The following VMP1 variants were observed in gnomAD, a reference collection of about 807,000 sequenced individuals.
VMP1 encodes ectopic P-granules autophagy protein 3 homolog.
A neutral mutation model predicts 56.0 loss-of-function variants in VMP1; 11 were observed. The observed-to-expected ratio is 0.20, with a 90% CI of 0.12 to 0.32. The LOEUF (loss-of-function observed/expected upper bound fraction) is 0.32. Among genes scored for constraint, VMP1 ranks in the 10% least tolerant of loss-of-function variants. The pLI is 1.00. For synonymous variants in VMP1, 149 were observed against 165.0 expected, an observed-to-expected ratio of 0.90 and a Z score of 0.74; for missense variants, 296 against 490.3, an observed-to-expected ratio of 0.60 and a Z score of 3.74.
chr17:59,741,296 T>C (rs1172431087), intron 5 of VMP1, among the ~76,000 whole-genome samples: 3 of 151,968 alleles, frequency 2.0e-5, no homozygotes, highest in Admixed American at 6.6e-5. Flanking sequence ...GGGAGATAGA[T>C]TGAAGGTGGA....
Position 59,737,522 on chromosome 17 carries a change from T to C in VMP1, c.282T>C (p.Tyr94=). The change falls in exon 4 of 12, where the codon TAT becomes TAC. Residue 94 remains tyrosine (Y), a synonymous_variant. Transcript: ENST00000262291. ...LLLAVLIATY[Y]VEGVHQQYVQ... ...TTGCTGTGCTTATAGCTACGTATTA[T>C]GTTGAAGGAGTGCATCAACAGGTGA... 1.9e-6 allele frequency: 3 copies of C among 1,611,116 alleles called. No homozygotes were observed. The highest frequency in any genetic ancestry group is 2.2e-5 in the East Asian group (1 of 44,736).
At chr17:59,751,837 A>G (rs1429163630) in intron 5 of VMP1, among the ~76,000 whole-genome samples, 3 of 150,256 alleles carry the variant, frequency 2.0e-5, no homozygotes, top group Non-Finnish European at 4.4e-5. Context: ...CTTTTTTGAG[A>G]CAGGGTTTCT....
intron 6 of VMP1, among the ~76,000 whole-genome samples, chr17:59,773,265 T>G (rs562514904): frequency 6.6e-6 from 1 of 151,744 alleles, no homozygotes; most frequent in African/African-American, 2.4e-5. Flanking sequence ...CAGCCACTGG[T>G]GAATTCTTAT....
intron 1 of VMP1, among the ~76,000 whole-genome samples, chr17:59,712,520 T>C (rs2033972602): frequency 6.6e-6 from 1 of 152,214 alleles, no homozygotes; most frequent in South Asian, 2.1e-4. Context: ...ATCTGTTCAT[T>C]ATCCAGTCAG....
At chr17:59,730,109 G>A (rs2034768832) in intron 1 of VMP1, 3 of 152,066 alleles carry the variant, frequency 2.0e-5, no homozygotes, top group Admixed American at 6.6e-5. Flanking sequence ...AGCAATTTGT[G>A]TATCTTTGGA....
chr17:59,738,415 A>C (rs745499411), intron 4 of VMP1, among the ~76,000 whole-genome samples: 2 of 152,252 alleles, frequency 1.3e-5, no homozygotes, highest in Non-Finnish European at 1.5e-5. Context: ...ATTTTAAAAC[A>C]GTTTACTGCC....
intron 7 of VMP1, among the ~76,000 whole-genome samples, chr17:59,807,813 C>T (rs1598423356): frequency 1.0e-5 from 1 of 96,510 alleles, no homozygotes. Flanking sequence ...GCCTGGGCAA[C>T]AAGAGTGAAA....
chr17:59,795,703 C>A (rs913010770), intron 7 of VMP1, among the ~76,000 whole-genome samples: 1 of 151,828 alleles, frequency 6.6e-6, no homozygotes, highest in Non-Finnish European at 1.5e-5. Context: ...AAACAAAAAT[C>A]TCTTATTTTC....
At chr17:59,762,782 T>C (rs2036104342) in intron 5 of VMP1, among the ~76,000 whole-genome samples, 1 of 152,170 alleles carries the variant, frequency 6.6e-6, no homozygotes, top group Admixed American at 6.5e-5. Context: ...TGAAAAAACA[T>C]TCTCAAATCA....
intron 7 of VMP1, among the ~76,000 whole-genome samples, chr17:59,776,578 G>A (rs796913178): frequency 6.6e-6 from 1 of 152,164 alleles, no homozygotes; most frequent in African/African-American, 2.4e-5. Context: ...GAAAACAGTA[G>A]ATTTAGTTGT....
intron 1 of VMP1, among the ~76,000 whole-genome samples, chr17:59,717,409 C>T (rs1188903356): frequency 6.6e-6 from 1 of 151,846 alleles, no homozygotes; most frequent in East Asian, 1.9e-4. Flanking sequence ...TGGAGACACA[C>T]TCTTGCTCTG....
intron 7 of VMP1, among the ~76,000 whole-genome samples, chr17:59,807,832 C>CAAA (rs543862899): frequency 4.7e-5 from 4 of 85,626 alleles, no homozygotes; most frequent in Non-Finnish European, 7.4e-5. Flanking sequence ...AACTCCGTCT[C>CAAA]AAAAAAAAAA....
rs2036524542 is a variant in VMP1, at chr17:59,773,840, G to A, written c.669G>A (p.Glu223=). The A allele has an allele frequency of 1.2e-6, 2 of 1,613,562 alleles. No individual in the cohort carries two copies. Among genetic ancestry groups the A allele is most frequent in the African/African-American group, 1.3e-5 (1 of 74,864 alleles). The change falls in exon 7 of 12, where the codon GAG becomes GAA. Residue 223 remains glutamate (E), a synonymous_variant. Transcript: ENST00000262291. ...CAGGTGCTGAACCAGATGATGAAGA[G>A]TATCAGGAATTTGAAGAGATGCTGG... ...RLSGAEPDDE[E]YQEFEEMLEH...
chr17:59,801,112 A>ATG lies in VMP1; in HGVS notation c.715-7648_715-7647dup, dbSNP rs71145573. Among the ~76,000 whole-genome samples, 539 of 110,308 alleles carry ATG rather than the reference A, an allele frequency of 4.9e-3. 1 individual carries two copies. Among genetic ancestry groups the ATG allele is most frequent in the South Asian group, 0.015 (53 of 3,606 alleles). The allele number at this position is 110,308 out of a possible 152,430, so 72.4% of individuals were successfully genotyped here. ...AAAAAATATATATATATATATATAT[A>ATG]TGTGTGTGTGTGTGTGTGTGTGTGT... On this transcript the variant is annotated intron_variant, in intron 7 of 11. Coordinates refer to ENST00000262291, the MANE Select transcript of VMP1 (RefSeq NM_030938.5).
At chr17:59,769,154 C>CTT (rs61495451) in intron 6 of VMP1, among the ~76,000 whole-genome samples, 2 of 137,686 alleles carry the variant, frequency 1.5e-5, no homozygotes, top group Admixed American at 7.2e-5. Context: ...AAAATGAAAA[C>CTT]TTTTTTTTTT....
chr17:59,764,864 T>A (rs2036177455), intron 5 of VMP1, 107 bp from the exon 6 acceptor site: 1 of 840,308 alleles, frequency 1.2e-6, no homozygotes, highest in Admixed American at 3.8e-5. Flanking sequence ...TTTTGTTCTT[T>A]GAAAGCTAAG....
At chr17:59,837,339 C>T (rs2039014939) in intron 10 of VMP1, among the ~76,000 whole-genome samples, 1 of 152,058 alleles carries the variant, frequency 6.6e-6, no homozygotes, top group Non-Finnish European at 1.5e-5. Context: ...CCTCCTTAGC[C>T]CTATGTAACA....
At chr17:59,723,291 G>A (rs544265802) in intron 1 of VMP1, among the ~76,000 whole-genome samples, 26 of 152,174 alleles carry the variant, frequency 1.7e-4, no homozygotes, top group Non-Finnish European at 3.7e-4. Context: ...GGGTATTTAA[G>A]GCTGAGTGAA....
intron 7 of VMP1, among the ~76,000 whole-genome samples, chr17:59,794,517 ATTTTTTTTT>A (rs71145572): frequency 0.011 from 458 of 43,104 alleles, 5 homozygotes; most frequent in African/African-American, 0.042. Flanking sequence ...CGCGCCCTGC[ATTTTTTTTT>A]TTTTTTTTTT....
Sources: gnomAD v4.1 joint callset for allele counts (sites outside exome capture counted in the v4.1 genomes callset) on GRCh38, gnomAD v4.1.1 for gene constraint, MANE v1.5 for transcripts, NCBI Gene and HGNC (gene_info 2026-07-23, HGNC 2026-07-21) for gene names.